The following GRID2 variants were observed in gnomAD, a reference collection of about 807,000 sequenced individuals.
The protein encoded by GRID2 is glutamate ionotropic receptor delta type subunit 2, also known as glutamate receptor ionotropic, delta-2.
In GRID2, 33 loss-of-function variants were observed where a neutral mutation model predicts 114.8. The observed-to-expected ratio is 0.29, with a 90% CI of 0.22 to 0.38. The LOEUF (loss-of-function observed/expected upper bound fraction) is 0.38, where lower values mean the gene tolerates loss of function less well. Among genes scored for constraint, GRID2 ranks in the 10% least tolerant of loss-of-function variants. The pLI, the probability that GRID2 is intolerant of heterozygous loss-of-function variation, is 1.00. For missense variants in GRID2, 1,184 were observed against 1,257.7 expected (o/e 0.94, Z 0.89); for synonymous variants, 505 against 449.9 (o/e 1.12, Z -1.55).
chr4:92,938,055 T>C (rs531102022), intron 2 of GRID2, among the ~76,000 whole-genome samples: 1 of 146,962 alleles, frequency 6.8e-6, no homozygotes, highest in East Asian at 2.2e-4. Flanking sequence ...TAAGATGAAA[T>C]AATGTTAGAT....
intron 1 of GRID2, among the ~76,000 whole-genome samples, chr4:92,573,265 A>G (rs1284951888): frequency 1.3e-5 from 2 of 152,056 alleles, no homozygotes; most frequent in Non-Finnish European, 2.9e-5. Flanking sequence ...TCAAAAAAAC[A>G]GCTTCTGGAT....
chr4:92,459,772 G>T (rs990966834), intron 1 of GRID2, among the ~76,000 whole-genome samples: 2 of 151,742 alleles, frequency 1.3e-5, no homozygotes, highest in African/African-American at 4.8e-5. Context: ...TTCTGTGAAG[G>T]TATAGATGAG....
intron 2 of GRID2, among the ~76,000 whole-genome samples, chr4:92,914,415 T>C (rs748592430): frequency 2.0e-5 from 3 of 152,156 alleles, no homozygotes; most frequent in Non-Finnish European, 4.4e-5. Context: ...TTTGGAAATA[T>C]AATTTTTTTA....
intron 8 of GRID2, among the ~76,000 whole-genome samples, chr4:93,373,167 T>G (rs7679839): frequency 0.21 from 31,741 of 152,030 alleles, 5,212 homozygotes; most frequent in African/African-American, 0.45. Context: ...GGCCCTTTAA[T>G]TTCTCCCTTA....
At chr4:92,536,124 G>A (rs115647264) in intron 1 of GRID2, among the ~76,000 whole-genome samples, 4 of 152,280 alleles carry the variant, frequency 2.6e-5, no homozygotes, top group African/African-American at 4.8e-5. Flanking sequence ...TGCTTGCGCC[G>A]GTGGCCTGCT....
At chr4:93,781,093 A>G (rs1354508838) in intron 1 of GRID2, among the ~76,000 whole-genome samples, 4 of 152,234 alleles carry the variant, frequency 2.6e-5, no homozygotes, top group African/African-American at 9.6e-5. Context: ...AATTTTCCCA[A>G]AAAGTGGCAA....
intron 11 of GRID2, among the ~76,000 whole-genome samples, chr4:93,470,656 C>T (rs1018550676): frequency 4.6e-5 from 7 of 151,908 alleles, no homozygotes; most frequent in African/African-American, 9.7e-5. Flanking sequence ...CTTATTTCTC[C>T]TTTAGGGGAC....
intron 1 of GRID2, among the ~76,000 whole-genome samples, chr4:92,576,239 G>GT (rs1727887210): frequency 6.6e-6 from 1 of 152,218 alleles, no homozygotes; most frequent in African/African-American, 2.4e-5. Flanking sequence ...CTCCAGCCAT[G>GT]TTCTGGCAAA....
At chr4:93,435,535 G>C (rs1030782858) in intron 10 of GRID2, among the ~76,000 whole-genome samples, 1 of 152,100 alleles carries the variant, frequency 6.6e-6, no homozygotes, top group African/African-American at 2.4e-5. Context: ...ATTTGGCCAG[G>C]AGTTGCAGAA....
chr4:93,593,115 T>G (rs865904035), intron 13 of GRID2, among the ~76,000 whole-genome samples: 25 of 152,158 alleles, frequency 1.6e-4, no homozygotes, highest in Admixed American at 1.3e-4. Context: ...GTTAGCTGGT[T>G]ATTTTGCTTG....
chr4:93,059,054 A>G (rs1727534702), intron 2 of GRID2, among the ~76,000 whole-genome samples: 1 of 152,038 alleles, frequency 6.6e-6, no homozygotes, highest in Admixed American at 6.6e-5. Context: ...AGTAAATTCT[A>G]TCTCTAGAAA....
chr4:93,286,285 C>T (rs1250448282), intron 8 of GRID2, among the ~76,000 whole-genome samples: 4 of 151,904 alleles, frequency 2.6e-5, no homozygotes, highest in Non-Finnish European at 5.9e-5. Context: ...CCAATTGTAG[C>T]CTATTAGGAA....
intron 4 of GRID2, among the ~76,000 whole-genome samples, chr4:93,117,508 A>T (rs541310454): frequency 6.6e-6 from 1 of 152,252 alleles, no homozygotes; most frequent in South Asian, 2.1e-4. Context: ...TACTCAGTGC[A>T]CTTTCATGAT....
chr4:92,699,404 T>A (rs1367228142), intron 2 of GRID2, among the ~76,000 whole-genome samples: 1 of 152,226 alleles, frequency 6.6e-6, no homozygotes, highest in Non-Finnish European at 1.5e-5. Flanking sequence ...ATCTGCCATT[T>A]AAATAGCTGA....
At chr4:92,868,835 T>G (rs976280600) in intron 2 of GRID2, among the ~76,000 whole-genome samples, 1 of 152,124 alleles carries the variant, frequency 6.6e-6, no homozygotes, top group Non-Finnish European at 1.5e-5. Context: ...TCTTAGCATT[T>G]ATCAAGAGTA....
chr4:93,054,888 T>C (rs1422747441), intron 2 of GRID2, among the ~76,000 whole-genome samples: 4 of 151,866 alleles, frequency 2.6e-5, no homozygotes, highest in African/African-American at 7.2e-5. Context: ...CATTTAATCT[T>C]ACAACTAGAT....
intron 1 of GRID2, among the ~76,000 whole-genome samples, chr4:92,457,311 T>C (rs1721263410): frequency 6.6e-6 from 1 of 152,128 alleles, no homozygotes; most frequent in South Asian, 2.1e-4. Context: ...TTTATAGCAC[T>C]TTTCACATTT....
At chr4:92,933,097 T>C (rs1214639888) in intron 2 of GRID2, among the ~76,000 whole-genome samples, 1 of 150,840 alleles carries the variant, frequency 6.6e-6, no homozygotes, top group African/African-American at 2.4e-5. Context: ...ATAATTCAAA[T>C]ACAACTGATA....
chr4:93,206,785 A>C (rs2149469150), intron 4 of GRID2, among the ~76,000 whole-genome samples: 1 of 152,260 alleles, frequency 6.6e-6, no homozygotes. Flanking sequence ...GCAATCTAAA[A>C]GCTACTAAAA....
Sources: gnomAD v4.1 joint callset for allele counts (sites outside exome capture counted in the v4.1 genomes callset) on GRCh38, gnomAD v4.1.1 for gene constraint, MANE v1.5 for transcripts, NCBI Gene and HGNC (gene_info 2026-07-23, HGNC 2026-07-21) for gene names.